Variants in KCNQ1 observed in about 807,000 individuals in gnomAD.
KCNQ1 encodes potassium voltage-gated channel subfamily KQT member 1.
KCNQ1 carries 49 observed loss-of-function variants against 72.4 expected under a neutral mutation model. The observed-to-expected ratio is 0.68, with a 90% confidence interval of 0.54 to 0.86. The LOEUF (loss-of-function observed/expected upper bound fraction) is 0.86, where lower values mean the gene tolerates loss of function less well. KCNQ1 is among the 40% of genes least tolerant of loss of function. The pLI, the probability that KCNQ1 is intolerant of heterozygous loss-of-function variation, is 0.00. For synonymous variants in KCNQ1, 450 were observed against 412.6 expected (o/e 1.09, Z -1.10); for missense variants, 790 against 945.1 (o/e 0.84, Z 2.15).
chr11:2,590,829 G>A lies in KCNQ1; in HGVS notation c.1393+1975G>A, dbSNP rs1452060624. Among the ~76,000 whole-genome samples the A allele has an allele frequency of 4.6e-5, 7 of 152,288 alleles. No homozygotes were observed. The South Asian group carries it at 6.2e-4, about 14-fold the overall frequency. On this transcript the variant is annotated intron_variant, in intron 10 of 15. Coordinates refer to ENST00000155840, the MANE Select transcript of KCNQ1 (RefSeq NM_000218.3). ...CTTGGAGGCTGGACCCCACTGTTCC[G>A]GACTCTGGGCTGTTGGAAGCCAGGC...
intron 10 of KCNQ1, among the ~76,000 whole-genome samples, chr11:2,591,783 T>C (rs950933941): frequency 1.3e-5 from 2 of 152,258 alleles, no homozygotes; most frequent in African/African-American, 4.8e-5. Context: ...TCTTTCCTGC[T>C]GGAGTTTGTT....
At position 2,689,764 on chromosome 11, in the gene KCNQ1, G is replaced by A. The variant is rs150913135; in HGVS notation, c.1514+27683G>A. 141 of 398,696 alleles carry A rather than the reference G, an allele frequency of 3.5e-4. No individual in the cohort carries two copies. The East Asian group carries it at 4.0e-3, about 11-fold the overall frequency. The allele number at this position is 398,696 out of a possible 1,614,324, so 24.7% of individuals were successfully genotyped here. ...TCATTTGTTTACAGGAGACTGATGG[G>A]TTCCTGAGCAGCCTAGGAGGGGAGG... On this transcript the variant is annotated intron_variant, in intron 11 of 15. Transcript: ENST00000155840.
rs1225705738 is a variant in KCNQ1 at position 2,495,151 on chromosome 11, G to A, written c.387-32777G>A. Among the ~76,000 whole-genome samples the A allele has an allele frequency of 1.3e-5, 2 of 152,062 alleles. No individual in the cohort carries two copies. Among genetic ancestry groups the A allele is most frequent in the African/African-American group, 4.8e-5 (2 of 41,412 alleles). ...GGAGGTGTTTTTAGTATTCTCTGAT[G>A]GTAGTTTGTATTTCTGTGGGATCAG... On this transcript the variant is annotated intron_variant, in intron 1 of 15. Transcript: ENST00000155840. The surrounding 1 kb of genome is among the most constrained non-coding windows in gnomAD (Gnocchi z 4.6).
In KCNQ1 at chr11:2,670,779, C is replaced by T. The variant is rs1850170050; in HGVS notation, c.1514+8698C>T. On this transcript the variant is annotated intron_variant, in intron 11 of 15. Transcript: ENST00000155840. The surrounding 1 kb of genome is among the most constrained non-coding windows in gnomAD (Gnocchi z 4.9). Reference sequence around the variant, plus strand: ...CAGTGGCTCTTGTGGCTGCCCTCTGCAATAAGAATTCTTCAAGTTCAGCCT... The same window carrying T: ...CAGTGGCTCTTGTGGCTGCCCTCTGTAATAAGAATTCTTCAAGTTCAGCCT... 2.5e-6 allele frequency: 1 copy of T among 398,422 alleles called. No homozygotes were observed. Among genetic ancestry groups the T allele is most frequent in the Admixed American group, 4.4e-5 (1 of 22,710 alleles). The allele number at this position is 398,422 out of a possible 1,614,324, so 24.7% of individuals were successfully genotyped here.
intron 11 of KCNQ1, among the ~76,000 whole-genome samples, chr11:2,727,228 C>T (rs887805736): frequency 4.6e-5 from 7 of 152,180 alleles, no homozygotes; most frequent in African/African-American, 1.7e-4. Flanking sequence ...GACAAGGAGG[C>T]AGCTTGGGGG....
At chr11:2,807,253 C>A (rs142275626) in intron 15 of KCNQ1, among the ~76,000 whole-genome samples, 103 of 152,322 alleles carry the variant, frequency 6.8e-4, no homozygotes, top group Admixed American at 1.6e-3. Flanking sequence ...CGAACGTGGC[C>A]GGCTCTGAAA....
In KCNQ1 at chr11:2,607,003, C is replaced by T. The variant is rs371308528; in HGVS notation, c.1393+18149C>T. On this transcript the variant is annotated intron_variant, in intron 10 of 15. Coordinates refer to ENST00000155840, the MANE Select transcript of KCNQ1 (RefSeq NM_000218.3). ...CTGCAAGCTCCACCTCCCAGGTTCA[C>T]GCCATTCTTCTGCCTCAGCCTCCCG... Among the ~76,000 whole-genome samples, 19 of 149,020 alleles carry T rather than the reference C, an allele frequency of 1.3e-4. No individual in the cohort carries two copies. The East Asian group carries it at 2.2e-3, about 17-fold the overall frequency.
rs988256016 is a variant in KCNQ1 at position 2,562,325 on chromosome 11, A to G, written c.478-8303A>G. On this transcript the variant is annotated intron_variant, in intron 2 of 15. Coordinates refer to ENST00000155840, the MANE Select transcript of KCNQ1 (RefSeq NM_000218.3). This position sits in a 1 kb window ranked among gnomAD's most constrained non-coding sequence, Gnocchi z 7.5. ...CTGGCGGCTGGGAGCAGCTGGCCAC[A>G]GGCAGGCCCTGGGACAAAGGGCGCT... Among the ~76,000 whole-genome samples the G allele has an allele frequency of 3.3e-5, 5 of 152,100 alleles. No homozygotes were observed. Among genetic ancestry groups the G allele is most frequent in the African/African-American group, 1.2e-4 (5 of 41,410 alleles).
chr11:2,792,044 C>G (rs1454960316), intron 15 of KCNQ1, among the ~76,000 whole-genome samples: 2 of 152,140 alleles, frequency 1.3e-5, no homozygotes, highest in African/African-American at 2.4e-5. Context: ...GGTTGGCAAC[C>G]TGAGCCCTCC....
At chr11:2,800,284 G>A (rs1186699856) in intron 15 of KCNQ1, among the ~76,000 whole-genome samples, 2 of 152,228 alleles carry the variant, frequency 1.3e-5, no homozygotes, top group Admixed American at 1.3e-4. Context: ...CCCCCAGCAG[G>A]GTAACCCTGC....
At chr11:2,667,808 C>G (rs1850110068) in intron 11 of KCNQ1, 3 of 398,542 alleles carry the variant, frequency 7.5e-6, no homozygotes, top group Non-Finnish European at 1.3e-5. Context: ...CTGGGCTACC[C>G]TGGTATAGGG....
chr11:2,467,342 G>A (rs992068051), intron 1 of KCNQ1, among the ~76,000 whole-genome samples: 7 of 152,250 alleles, frequency 4.6e-5, no homozygotes, highest in East Asian at 1.9e-4. Context: ...CAACGGTGTC[G>A]GCCTCTACCC....
At chr11:2,779,391 C>G (rs1846776164) in intron 15 of KCNQ1, among the ~76,000 whole-genome samples, 1 of 152,132 alleles carries the variant, frequency 6.6e-6, no homozygotes, top group African/African-American at 2.4e-5. Flanking sequence ...CCAGGAGTTT[C>G]TAGACATCAA....
intron 1 of KCNQ1, among the ~76,000 whole-genome samples, chr11:2,465,469 T>G (rs112344603): frequency 0.045 from 6,799 of 152,340 alleles, 199 homozygotes; most frequent in Non-Finnish European, 0.067. Context: ...CCACCAGGGC[T>G]GAGACTCCTC....
chr11:2,685,470 C>G (rs534338375), intron 11 of KCNQ1: 1 of 398,832 alleles, frequency 2.5e-6, no homozygotes, highest in Non-Finnish European at 4.4e-6. Flanking sequence ...AGTGCAACTC[C>G]CATCTCACAG....
chr11:2,699,995 G>A (rs895691175), intron 11 of KCNQ1: 26 of 398,184 alleles, frequency 6.5e-5, no homozygotes, highest in Non-Finnish European at 7.5e-5. Flanking sequence ...CGACCGTTCT[G>A]CCTGGAGACT....
chr11:2,457,473 C>T lies in KCNQ1; in HGVS notation c.386+11989C>T, dbSNP rs570224383. Among the ~76,000 whole-genome samples, 1 of 152,180 alleles carries T rather than the reference C, an allele frequency of 6.6e-6. No homozygotes were observed. The highest frequency in any genetic ancestry group is 6.5e-5 in the Admixed American group (1 of 15,284). ...GACGTGAAAATCATGTCCTTTGCAG[C>T]AACATGGATGCAGCTGGAGGTCGTT... On this transcript the variant is annotated intron_variant, in intron 1 of 15. Transcript: ENST00000155840. The surrounding 1 kb of genome is among the most constrained non-coding windows in gnomAD (Gnocchi z 5.0).
At chr11:2,832,415 G>A (rs759330309) in intron 15 of KCNQ1, among the ~76,000 whole-genome samples, 3 of 152,148 alleles carry the variant, frequency 2.0e-5, no homozygotes, top group South Asian at 2.1e-4. Context: ...TCAGAGCTCC[G>A]ACCGCACAGG....
intron 10 of KCNQ1, chr11:2,631,918 C>G (rs1024687674): frequency 5.0e-6 from 2 of 397,458 alleles, no homozygotes; most frequent in African/African-American, 4.1e-5. Context: ...CGCAGTGGCT[C>G]ACGCCTGTAA....
Sources: allele counts gnomAD v4.1 joint callset (sites outside exome capture counted in the v4.1 genomes callset), GRCh38; gene constraint gnomAD v4.1.1; non-coding constraint Gnocchi (gnomAD v3.1); transcripts MANE v1.5; gene names NCBI Gene and HGNC (gene_info 2026-07-23, HGNC 2026-07-21).